Variants in DLGAP1 observed in about 807,000 individuals in gnomAD.
DLGAP1 encodes the protein DLG associated protein 1, also known as disks large-associated protein 1.
A neutral mutation model predicts 90.8 loss-of-function variants in DLGAP1; 11 were observed. The observed-to-expected ratio is 0.12, with a 90% CI of 0.08 to 0.20. DLGAP1 has a LOEUF of 0.20. Among genes scored for constraint, DLGAP1 ranks in the 10% least tolerant of loss-of-function variants. The pLI, the probability that DLGAP1 is intolerant of heterozygous loss-of-function variation, is 1.00. For missense variants in DLGAP1, 1,050 were observed against 1,333.8 expected, an observed-to-expected ratio of 0.79 and a Z score of 3.31; for synonymous variants, 558 against 540.7, an observed-to-expected ratio of 1.03 and a Z score of -0.44.
At chr18:4,261,508 C>G (rs535348432) in intron 1 of DLGAP1, among the ~76,000 whole-genome samples, 2 of 152,218 alleles carry the variant, frequency 1.3e-5, no homozygotes, top group African/African-American at 4.8e-5. Context: ...ATAAATCATC[C>G]TCATGTTTAA....
chr18:4,198,620 A>G (rs1323812475), intron 1 of DLGAP1, among the ~76,000 whole-genome samples: 1 of 152,212 alleles, frequency 6.6e-6, no homozygotes, highest in African/African-American at 2.4e-5. Context: ...ATTTGATAGG[A>G]TGAATGAGTT....
chr18:4,207,952 G>A (rs2077756724), intron 1 of DLGAP1, among the ~76,000 whole-genome samples: 1 of 152,068 alleles, frequency 6.6e-6, no homozygotes, highest in Non-Finnish European at 1.5e-5. Context: ...TTGAAATAAT[G>A]AACCTGTTAC....
chr18:4,230,022 C>T lies in DLGAP1; in HGVS notation c.-266-78735G>A, dbSNP rs570141081. Among the ~76,000 whole-genome samples, 115 of 152,066 alleles carry T rather than the reference C, an allele frequency of 7.6e-4. 2 individuals are homozygous for T. The highest frequency in any genetic ancestry group is 2.6e-3 in the African/African-American group (108 of 41,532). ...CAAAAGAAGACATACAAATAACAAA[C>T]GTATATGAAAAGGTGGTCACCATCA... On this transcript the variant is annotated intron_variant, in intron 1 of 12. Transcript: ENST00000315677.
intron 4 of DLGAP1, among the ~76,000 whole-genome samples, chr18:3,836,397 C>T (rs115511221): frequency 2.2e-4 from 34 of 152,224 alleles, no homozygotes; most frequent in African/African-American, 7.9e-4. Flanking sequence ...TGGGTATATG[C>T]CATCACTATG....
At chr18:3,634,170 A>G (rs1290071312) in intron 7 of DLGAP1, among the ~76,000 whole-genome samples, 1 of 152,152 alleles carries the variant, frequency 6.6e-6, no homozygotes, top group Non-Finnish European at 1.5e-5. Context: ...CGGCTGGATG[A>G]GTATTATAGA....
At chr18:4,289,345 A>T (rs1258080621) in intron 1 of DLGAP1, among the ~76,000 whole-genome samples, 1 of 152,190 alleles carries the variant, frequency 6.6e-6, no homozygotes, top group East Asian at 1.9e-4. Flanking sequence ...CAGAATGGAA[A>T]AGCTTGTGTG....
chr18:3,629,331 C>G (rs775784562), intron 7 of DLGAP1, among the ~76,000 whole-genome samples: 11 of 151,982 alleles, frequency 7.2e-5, no homozygotes, highest in Non-Finnish European at 1.6e-4. Flanking sequence ...GCACTGCACT[C>G]CAGCTTGAGT....
chr18:4,385,922 T>G (rs1267118999), intron 1 of DLGAP1, among the ~76,000 whole-genome samples: 1 of 152,116 alleles, frequency 6.6e-6, no homozygotes, highest in African/African-American at 2.4e-5. Flanking sequence ...CTGTAGGTAT[T>G]TAGAGGAAAG....
Position 3,729,507 on chromosome 18 carries a change from T to C in DLGAP1, c.1351-132A>G. 8 of 1,243,228 alleles carry C rather than the reference T, an allele frequency of 6.4e-6. No homozygotes were observed. The highest frequency in any genetic ancestry group is 8.8e-6 in the Non-Finnish European group (8 of 908,590). The allele number at this position is 1,243,228 out of a possible 1,614,324, so 77.0% of individuals were successfully genotyped here. On this transcript the variant is annotated intron_variant, in intron 6 of 12. Coordinates refer to ENST00000315677, the MANE Select transcript of DLGAP1 (RefSeq NM_004746.4). The surrounding 1 kb of genome is among the most constrained non-coding windows in gnomAD (Gnocchi z 6.2). ...TAGATTAAGCTCAAATGCATTTTAT[T>C]TCCTTTCTGTTACAGGCTATAATTG...
chr18:4,069,456 G>A (rs906890513), intron 2 of DLGAP1, among the ~76,000 whole-genome samples: 1 of 152,154 alleles, frequency 6.6e-6, no homozygotes, highest in African/African-American at 2.4e-5. Context: ...GGTGGGGCCT[G>A]GTGGGAGGTG....
chr18:4,083,372 C>T (rs1441148275), intron 2 of DLGAP1, among the ~76,000 whole-genome samples: 1 of 151,980 alleles, frequency 6.6e-6, no homozygotes, highest in East Asian at 1.9e-4. Context: ...GTGTCTTTTT[C>T]TTTATTATAA....
chr18:4,101,772 A>G (rs2075781809), intron 2 of DLGAP1, among the ~76,000 whole-genome samples: 1 of 152,024 alleles, frequency 6.6e-6, no homozygotes, highest in South Asian at 2.1e-4. Flanking sequence ...ATATATGTAT[A>G]TATTTAATAA....
In DLGAP1 at chr18:3,567,553, G is replaced by A. The variant is rs1356444727; in HGVS notation, c.1994C>T (p.Thr665Ile). 6.2e-7 allele frequency: 1 copy of A among 1,613,900 alleles called. No homozygotes were observed. Residue 665 changes from threonine (T) to isoleucine (I), a missense_variant, in exon 9 of 13, where the codon ACA becomes ATA. Transcript: ENST00000315677. ...QVDDAEEPDK[T>I]GENKAPSKFQ... ...CTTACTGGGTGCTTTATTCTCCCCT[G>A]TTTTGTCAGGTTCTTCAGCATCATC...
chr18:4,138,763 G>T (rs1307408936), intron 2 of DLGAP1, among the ~76,000 whole-genome samples: 1 of 151,936 alleles, frequency 6.6e-6, no homozygotes, highest in African/African-American at 2.4e-5. Context: ...AAACCACTGG[G>T]TCTTGGGCTT....
chr18:4,052,452 G>A, intron 2 of DLGAP1, among the ~76,000 whole-genome samples: 1 of 152,140 alleles, frequency 6.6e-6, no homozygotes, highest in East Asian at 1.9e-4. Context: ...GCTGTAACTT[G>A]GCCCCTTATA....
intron 2 of DLGAP1, among the ~76,000 whole-genome samples, chr18:4,078,325 C>T (rs993031945): frequency 5.3e-5 from 8 of 152,154 alleles, no homozygotes; most frequent in African/African-American, 1.9e-4. Flanking sequence ...AAACCCTTGA[C>T]ACATTTTCAA....
intron 3 of DLGAP1, chr18:3,896,812 C>T (rs905261000): frequency 1.3e-5 from 2 of 152,308 alleles, no homozygotes; most frequent in African/African-American, 4.8e-5. Flanking sequence ...GAACCCCTCT[C>T]CTCCAAGGGA....
intron 4 of DLGAP1, among the ~76,000 whole-genome samples, chr18:3,848,032 G>C (rs1394031828): frequency 1.3e-5 from 2 of 150,618 alleles, no homozygotes; most frequent in African/African-American, 4.9e-5. Flanking sequence ...GGAAGCTGAG[G>C]TGGGAGGATC....
intron 7 of DLGAP1, among the ~76,000 whole-genome samples, chr18:3,662,314 A>C (rs1834734158): frequency 1.3e-5 from 2 of 152,210 alleles, no homozygotes; most frequent in African/African-American, 4.8e-5. Flanking sequence ...ATATTTAAGG[A>C]TGTACCTCAT....
Sources: allele counts gnomAD v4.1 joint callset (sites outside exome capture counted in the v4.1 genomes callset), GRCh38; gene constraint gnomAD v4.1.1; non-coding constraint Gnocchi (gnomAD v3.1); transcripts MANE v1.5; gene names NCBI Gene and HGNC (gene_info 2026-07-23, HGNC 2026-07-21).